The following EML6 variants were observed in gnomAD, a reference collection of about 807,000 sequenced individuals.
The protein encoded by EML6 is echinoderm microtubule-associated protein-like 6.
Under a neutral mutation model 240.1 loss-of-function variants are expected in EML6, and 154 were observed. The ratio of observed to expected loss-of-function variants is 0.64; its 90% CI spans 0.56 to 0.73. The LOEUF (loss-of-function observed/expected upper bound fraction) is 0.73, where lower values mean the gene tolerates loss of function less well. EML6 is among the 30% of genes least tolerant of loss of function. EML6 has a pLI of 0.00. For missense variants in EML6, 2,964 were observed against 2,474.6 expected (o/e 1.20, Z -4.20); for synonymous variants, 1,148 against 899.0 (o/e 1.28, Z -4.95).
chr2:54,728,417 G>T (rs1683004568), intron 2 of EML6, among the ~76,000 whole-genome samples: 1 of 152,182 alleles, frequency 6.6e-6, no homozygotes, highest in Non-Finnish European at 1.5e-5. Context: ...CTAGTTCCCT[G>T]TCTCCAGGTT....
At chr2:54,823,317 C>T (rs749889012) in intron 5 of EML6, among the ~76,000 whole-genome samples, 32 of 152,136 alleles carry the variant, frequency 2.1e-4, no homozygotes, top group Non-Finnish European at 3.5e-4. Flanking sequence ...CAGAACTAGG[C>T]GAGGGGTTGC....
At chr2:54,824,714 C>G (rs1213492183) in intron 5 of EML6, among the ~76,000 whole-genome samples, 1 of 152,084 alleles carries the variant, frequency 6.6e-6, no homozygotes, top group East Asian at 1.9e-4. Context: ...AATGAGCCTA[C>G]CGGGTTTGTG....
chr2:54,827,437 C>A (rs1553389069), intron 5 of EML6, 129 bp from the exon 6 acceptor site: 8 of 727,760 alleles, frequency 1.1e-5, no homozygotes, highest in Non-Finnish European at 8.9e-6. Context: ...TACAGCAAAG[C>A]AAATTAACTT....
rs571639408 is a variant in EML6, at chr2:54,801,264, G to A, written c.198-11968G>A. ...CGGGAGGTGGAGCTTGCAGTGAGCC[G>A]AGATCTCACCACTGCATTCCAGCCT... On this transcript the variant is annotated intron_variant, in intron 2 of 41. Transcript: ENST00000356458. Among the ~76,000 whole-genome samples, 19 of 148,018 alleles carry A rather than the reference G, an allele frequency of 1.3e-4. No individual in the cohort carries two copies. In the East Asian group the frequency reaches 3.0e-3, roughly 23 times the overall value.
intron 21 of EML6, among the ~76,000 whole-genome samples, chr2:54,897,177 C>T (rs1672815928): frequency 6.6e-6 from 1 of 152,120 alleles, no homozygotes; most frequent in African/African-American, 2.4e-5. Context: ...ATTTATGCCC[C>T]AATATGATTT....
At position 54,831,596 on chromosome 2, in the gene EML6, A is replaced by C. The variant is rs568307851; in HGVS notation, c.847+2119A>C. On this transcript the variant is annotated intron_variant, in intron 7 of 41. Transcript: ENST00000356458. The stretch of plus-strand genomic sequence containing the variant: ...TGGCTGGTACACGGTGGACACTGGG[A>C]ACCCGAAACAAGCCTGCACCTCATA... 3.9e-5 allele frequency among the ~76,000 whole-genome samples: 6 copies of C among 152,334 alleles called. No homozygotes were observed. In the East Asian group the frequency reaches 1.2e-3, roughly 29 times the overall value.
intron 2 of EML6, among the ~76,000 whole-genome samples, chr2:54,787,868 C>G (rs751128703): frequency 6.7e-6 from 1 of 149,832 alleles, no homozygotes; most frequent in Non-Finnish European, 1.5e-5. Flanking sequence ...ATTTTTAGGC[C>G]AGACCTAAGT....
At chr2:54,913,624 C>A (rs1673757833) in intron 25 of EML6, among the ~76,000 whole-genome samples, 1 of 152,146 alleles carries the variant, frequency 6.6e-6, no homozygotes, top group South Asian at 2.1e-4. Flanking sequence ...TCGATATTTT[C>A]TTTTGCTATG....
In EML6 at chr2:54,854,886, G is replaced by GC. The variant is rs576550987; in HGVS notation, c.1657+1032dup. On this transcript the variant is annotated intron_variant, in intron 11 of 41. Transcript: ENST00000356458. Reference sequence around the variant, plus strand: ...TCTTGTTAGATTGAGTAGTATACTTGCAGGGGGTAAGTTAGGCCTCCAAGA... The same window carrying GC: ...TCTTGTTAGATTGAGTAGTATACTTGCCAGGGGGTAAGTTAGGCCTCCAAGA... Among the ~76,000 whole-genome samples, 23 of 152,300 alleles carry GC rather than the reference G, an allele frequency of 1.5e-4. No individual in the cohort carries two copies. The East Asian group carries it at 4.4e-3, about 29-fold the overall frequency.
In EML6 at chr2:54,844,103, G is replaced by T. The variant is rs1456438351; in HGVS notation, c.904G>T (p.Asp302Tyr). 1 of 1,551,518 alleles carries T rather than the reference G, an allele frequency of 6.4e-7. No individual in the cohort carries two copies. Among genetic ancestry groups the T allele is most frequent in the Non-Finnish European group, 8.7e-7 (1 of 1,146,946 alleles). The change falls in exon 8 of 42, where the codon GAC becomes TAC. Residue 302 changes from aspartate (D) to tyrosine (Y), a missense_variant. Physicochemically the swap from Asp to Tyr is radical, Grantham distance 160 (BLOSUM62 -3). Transcript: ENST00000356458. ...AGACCGCCTTCTAGCAGGGACCCAG[G>T]ACAGTGAGATATTTGAAGTGATTGT... is the stretch of plus-strand genomic sequence containing the variant. ...KADRLLAGTQ[D>Y]SEIFEVIVRE...
intron 13 of EML6, 102 bp from the exon 14 acceptor site, chr2:54,866,664 T>C (rs1670985567): frequency 1.7e-6 from 1 of 581,114 alleles, no homozygotes; most frequent in East Asian, 2.9e-5. Context: ...TTCAAAGACA[T>C]TTTATTGAAG....
At chr2:54,917,520 G>A (rs989307485) in intron 26 of EML6, among the ~76,000 whole-genome samples, 12 of 151,832 alleles carry the variant, frequency 7.9e-5, no homozygotes, top group African/African-American at 2.4e-4. Flanking sequence ...CTGCCAGCAC[G>A]CCAGACTAAT....
chr2:54,747,218 T>C (rs934526448), intron 2 of EML6: 2 of 152,222 alleles, frequency 1.3e-5, no homozygotes, highest in African/African-American at 4.8e-5. Flanking sequence ...CACCACTGTG[T>C]TGGTGGGTAA....
chr2:54,868,917 C>G, intron 14 of EML6: 1 of 407,660 alleles, frequency 2.5e-6, no homozygotes, highest in South Asian at 5.7e-5. Flanking sequence ...CTCAGATGAT[C>G]GTTTTTAAGA....
chr2:54,966,549 C>T (rs1229201241), intron 38 of EML6, among the ~76,000 whole-genome samples: 3 of 152,222 alleles, frequency 2.0e-5, no homozygotes, highest in African/African-American at 4.8e-5. Flanking sequence ...CCATGAGAAA[C>T]CTGCCTTACC....
intron 7 of EML6, among the ~76,000 whole-genome samples, chr2:54,835,133 C>T (rs1669073226): frequency 6.6e-6 from 1 of 152,224 alleles, no homozygotes; most frequent in Non-Finnish European, 1.5e-5. Flanking sequence ...CAAATAAAGC[C>T]TATGCTGATG....
chr2:54,959,181 C>T lies in EML6; in HGVS notation c.4773C>T (p.Ala1591=), dbSNP rs1037029657. Residue 1591 remains alanine (A), a synonymous_variant, in exon 34 of 42, where the codon GCC becomes GCT. Transcript: ENST00000356458. ...ACCACTTCCTCATCCGGCTGGTGGC[C>T]AAGGCTCACACAGGCCCCGTGTTCA... ...WKDHFLIRLV[A]KAHTGPVFTM... The T allele has an allele frequency of 6.4e-7, 1 of 1,551,458 alleles. No individual in the cohort carries two copies. Among genetic ancestry groups the T allele is most frequent in the Non-Finnish European group, 8.7e-7 (1 of 1,146,964 alleles).
intron 8 of EML6, among the ~76,000 whole-genome samples, chr2:54,845,651 G>A (rs1223499892): frequency 6.6e-6 from 1 of 152,180 alleles, no homozygotes; most frequent in African/African-American, 2.4e-5. Context: ...GGGTTACATT[G>A]CTTAAAATAG....
intron 35 of EML6, 85 bp downstream of exon 35, chr2:54,960,419 G>T (rs1201070783): frequency 7.1e-6 from 7 of 988,182 alleles, no homozygotes; most frequent in Non-Finnish European, 9.2e-6. Flanking sequence ...CTCTGGGCTG[G>T]TTTGTTTACT....
Sources: allele counts gnomAD v4.1 joint callset (sites outside exome capture counted in the v4.1 genomes callset), GRCh38; gene constraint gnomAD v4.1.1; transcripts MANE v1.5; gene names NCBI Gene and HGNC (gene_info 2026-07-23, HGNC 2026-07-21).